Variants in FOXK2 observed in about 807,000 individuals in gnomAD.
FOXK2 encodes forkhead box K2.
In FOXK2, 24 loss-of-function variants were observed where a neutral mutation model predicts 53.3. The observed-to-expected ratio is 0.45, with a 90% CI of 0.33 to 0.63. FOXK2 has a LOEUF of 0.63. FOXK2 is among the 30% of genes least tolerant of loss of function. FOXK2 has a pLI of 0.03. For missense variants in FOXK2, 952 were observed against 910.5 expected (o/e 1.05, Z -0.59); for synonymous variants, 505 against 407.1 (o/e 1.24, Z -2.89).
intron 4 of FOXK2, among the ~76,000 whole-genome samples, chr17:82,572,486 A>G (rs569237844): frequency 8.0e-6 from 1 of 124,792 alleles, no homozygotes; most frequent in East Asian, 2.8e-4. Flanking sequence ...TCACACACCA[A>G]TAATTTTTTT....
At chr17:82,590,004 C>T (rs1417400512) in intron 8 of FOXK2, among the ~76,000 whole-genome samples, 1 of 151,952 alleles carries the variant, frequency 6.6e-6, no homozygotes, top group Non-Finnish European at 1.5e-5. Flanking sequence ...CGAGTTCAGA[C>T]CACTGCACTC....
At chr17:82,562,948 G>A (rs1206558189) in intron 1 of FOXK2, among the ~76,000 whole-genome samples, 1 of 151,856 alleles carries the variant, frequency 6.6e-6, no homozygotes, top group African/African-American at 2.4e-5. Flanking sequence ...TGGGACCACA[G>A]GCATGCACCA....
chr17:82,591,925 A>C (rs1367977973), intron 8 of FOXK2, among the ~76,000 whole-genome samples: 1 of 152,094 alleles, frequency 6.6e-6, no homozygotes, highest in Admixed American at 6.6e-5. Flanking sequence ...TTGTTTTGAG[A>C]TACTGTCTTG....
At chr17:82,544,358 C>G (rs1474800254) in intron 1 of FOXK2, among the ~76,000 whole-genome samples, 35 of 152,078 alleles carry the variant, frequency 2.3e-4, no homozygotes, top group Admixed American at 2.3e-3. Flanking sequence ...TGTAAGCCAC[C>G]TAATCTTCCC....
chr17:82,551,368 G>GT (rs2044676009), intron 1 of FOXK2, among the ~76,000 whole-genome samples: 1 of 150,396 alleles, frequency 6.6e-6, no homozygotes, highest in Non-Finnish European at 1.5e-5. Context: ...CATGTCATGA[G>GT]TTTTGAAGGA....
At chr17:82,531,520 C>G (rs535964018) in intron 1 of FOXK2, among the ~76,000 whole-genome samples, 94 of 152,220 alleles carry the variant, frequency 6.2e-4, no homozygotes, top group African/African-American at 2.2e-3. Flanking sequence ...CATACTTGTA[C>G]AAGCCTAGAT....
chr17:82,558,324 C>T (rs1484792466), intron 1 of FOXK2, among the ~76,000 whole-genome samples: 2 of 152,172 alleles, frequency 1.3e-5, no homozygotes, highest in African/African-American at 2.4e-5. Flanking sequence ...GGCTACGGAG[C>T]GAGACCCTGC....
intron 4 of FOXK2, among the ~76,000 whole-genome samples, chr17:82,582,486 G>T (rs1259937940): frequency 6.6e-6 from 1 of 152,202 alleles, no homozygotes; most frequent in Non-Finnish European, 1.5e-5. Flanking sequence ...AGCACAGCCT[G>T]TAAACGTCAC....
chr17:82,556,684 G>C (rs1449359016), intron 1 of FOXK2, among the ~76,000 whole-genome samples: 3 of 151,912 alleles, frequency 2.0e-5, no homozygotes, highest in Non-Finnish European at 1.5e-5. Flanking sequence ...GCACCTTCCT[G>C]CCTCTTTTTT....
chr17:82,597,597 G>T (rs1370152469), intron 8 of FOXK2, among the ~76,000 whole-genome samples: 1 of 152,216 alleles, frequency 6.6e-6, no homozygotes, highest in African/African-American at 2.4e-5. Context: ...CGCGACAGAG[G>T]CTCTGTGAGG....
chr17:82,558,923 T>C (rs2044761731), intron 1 of FOXK2, among the ~76,000 whole-genome samples: 1 of 152,068 alleles, frequency 6.6e-6, no homozygotes, highest in Admixed American at 6.6e-5. Flanking sequence ...GTTTTTTGTG[T>C]TTTTTTCAGT....
intron 2 of FOXK2, among the ~76,000 whole-genome samples, chr17:82,565,652 C>T (rs1029517843): frequency 1.3e-5 from 2 of 152,120 alleles, no homozygotes; most frequent in African/African-American, 4.8e-5. Flanking sequence ...ACAAAAAACC[C>T]AGAAAATAGT....
At chr17:82,591,774 C>T (rs777706886) in intron 8 of FOXK2, among the ~76,000 whole-genome samples, 8 of 152,204 alleles carry the variant, frequency 5.3e-5, no homozygotes, top group Admixed American at 3.3e-4. Flanking sequence ...CTCAGGGCTG[C>T]GGGTGCCGCC....
chr17:82,541,988 C>G (rs908957800), intron 1 of FOXK2, among the ~76,000 whole-genome samples: 1 of 151,154 alleles, frequency 6.6e-6, no homozygotes, highest in African/African-American at 2.4e-5. Flanking sequence ...TCAAGTGATT[C>G]TTTTGCCTCA....
intron 2 of FOXK2, among the ~76,000 whole-genome samples, chr17:82,565,690 C>T (rs2044845026): frequency 6.6e-6 from 1 of 152,194 alleles, no homozygotes; most frequent in African/African-American, 2.4e-5. Context: ...GAAATTGGAA[C>T]TGTTGTGTGC....
intron 2 of FOXK2, among the ~76,000 whole-genome samples, chr17:82,563,944 G>T (rs1483397418): frequency 2.6e-5 from 4 of 151,412 alleles, no homozygotes; most frequent in Non-Finnish European, 5.9e-5. Context: ...TAGAGACAGG[G>T]TTTCACCATA....
intron 7 of FOXK2, 100 bp downstream of exon 7, chr17:82,586,300 T>TAGGCCGGGGGGGAAAGGAGGAGA: frequency 1.7e-5 from 3 of 178,050 alleles, no homozygotes; most frequent in Non-Finnish European, 2.8e-5. Flanking sequence ...AGGTCAAAGG[T>TAGGCCGGGGGGGAAAGGAGGAGA]GGGCCGGGGG....
intron 1 of FOXK2, among the ~76,000 whole-genome samples, chr17:82,537,153 G>T (rs757340782): frequency 6.6e-6 from 1 of 152,196 alleles, no homozygotes; most frequent in Non-Finnish European, 1.5e-5. Flanking sequence ...CAGCTGACCA[G>T]TGAGTGGGAT....
Position 82,586,058 on chromosome 17 carries a change from A to G in FOXK2, c.1434A>G (p.Pro478=). The change falls in exon 7 of 9, where the codon CCA becomes CCG. Residue 478 remains proline, a synonymous_variant. Transcript: ENST00000335255. The part of the protein sequence containing the change: ...VQTVHVVHQI[P]AVSVTSVAGL... ...CGGTTCACGTCGTCCACCAGATCCC[A>G]GCGGTGTCGGTCACCAGTGTGGCCG... The G allele has an allele frequency of 6.2e-7, 1 of 1,612,796 alleles. No homozygotes were observed. Among genetic ancestry groups the G allele is most frequent in the South Asian group, 1.1e-5 (1 of 91,084 alleles).
Sources: allele counts gnomAD v4.1 joint callset (sites outside exome capture counted in the v4.1 genomes callset), GRCh38; gene constraint gnomAD v4.1.1; transcripts MANE v1.5; gene names NCBI Gene and HGNC (gene_info 2026-07-23, HGNC 2026-07-21).